MAGI2: variants seen among roughly 807,000 people sequenced by gnomAD.
MAGI2 encodes the protein membrane-associated guanylate kinase, WW and PDZ domain-containing protein 2.
Under a neutral mutation model 133.3 loss-of-function variants are expected in MAGI2, and 35 were observed. That is an observed-to-expected ratio of 0.26 (90% CI 0.20 to 0.35). The LOEUF is 0.35. Ranked by LOEUF, MAGI2 falls within the 10% of genes least tolerant of loss-of-function variation. The pLI is 1.00. For missense variants in MAGI2, 1,636 were observed against 1,863.4 expected, an observed-to-expected ratio of 0.88 and a Z score of 2.25; for synonymous variants, 729 against 710.6, an observed-to-expected ratio of 1.03 and a Z score of -0.41.
At chr7:78,395,810 T>C (rs1796298639) in intron 6 of MAGI2, among the ~76,000 whole-genome samples, 2 of 152,296 alleles carry the variant, frequency 1.3e-5, no homozygotes, top group South Asian at 2.1e-4. Context: ...AACATGTAGA[T>C]AGATACATCT....
chr7:79,274,428 A>G (rs536399053), intron 1 of MAGI2, among the ~76,000 whole-genome samples: 62 of 152,092 alleles, frequency 4.1e-4, no homozygotes, highest in Non-Finnish European at 7.2e-4. Context: ...TATTTATTAG[A>G]TCATGGAACA....
chr7:78,895,298 T>C (rs1799017), intron 2 of MAGI2, among the ~76,000 whole-genome samples: 78,831 of 151,974 alleles, frequency 0.52, 22,070 homozygotes, highest in South Asian at 0.69. Context: ...ATATCTTGTC[T>C]TGAGATTCCC....
chr7:79,109,787 G>A (rs1002846285), intron 1 of MAGI2, among the ~76,000 whole-genome samples: 9 of 152,088 alleles, frequency 5.9e-5, no homozygotes, highest in Non-Finnish European at 1.5e-5. Flanking sequence ...GATCTTCTAG[G>A]CAGGCTTCTG....
intron 1 of MAGI2, among the ~76,000 whole-genome samples, chr7:79,245,330 G>T (rs1369084064): frequency 6.6e-6 from 1 of 152,162 alleles, no homozygotes; most frequent in African/African-American, 2.4e-5. Flanking sequence ...GGACTCATAG[G>T]GTCTCCAATT....
In MAGI2 at chr7:78,132,287, A is replaced by G. The variant is rs147472269; in HGVS notation, c.3203+602T>C. 6.6e-5 allele frequency among the ~76,000 whole-genome samples: 10 copies of G among 152,074 alleles called. No individual in the cohort carries two copies. The East Asian group carries it at 1.9e-3, about 29-fold the overall frequency. ...AATGGACGTCTGCAGCCACCTCCTA[A>G]CTGCTTAACCTGCATTCACCCTGCC... On this transcript the variant is annotated intron_variant, in intron 18 of 21. Coordinates refer to ENST00000354212, the MANE Select transcript of MAGI2 (RefSeq NM_012301.4).
chr7:78,563,228 T>C (rs1412032539), intron 3 of MAGI2, among the ~76,000 whole-genome samples: 1 of 152,172 alleles, frequency 6.6e-6, no homozygotes, highest in African/African-American at 2.4e-5. Context: ...GGTTTTATAA[T>C]TTGAAAGAGG....
chr7:79,138,040 G>A (rs1821755070), intron 1 of MAGI2, among the ~76,000 whole-genome samples: 1 of 152,138 alleles, frequency 6.6e-6, no homozygotes, highest in Non-Finnish European at 1.5e-5. Context: ...AAGTAATGTA[G>A]GTGGCCTCTG....
intron 2 of MAGI2, among the ~76,000 whole-genome samples, chr7:78,894,292 C>T (rs1165072351): frequency 6.6e-6 from 1 of 152,194 alleles, no homozygotes; most frequent in Non-Finnish European, 1.5e-5. Flanking sequence ...GTCCCAGCTA[C>T]TCCGGAGGCT....
At chr7:78,067,186 A>G (rs1229703156) in intron 21 of MAGI2, among the ~76,000 whole-genome samples, 1 of 152,202 alleles carries the variant, frequency 6.6e-6, no homozygotes, top group African/African-American at 2.4e-5. Context: ...CCCTGCCAAG[A>G]TGCAAGTAAT....
intron 6 of MAGI2, among the ~76,000 whole-genome samples, chr7:78,462,771 A>G (rs1346751180): frequency 2.6e-5 from 4 of 152,196 alleles, no homozygotes; most frequent in African/African-American, 9.6e-5. Context: ...CTGCTGTGTG[A>G]AGGTATATTC....
At chr7:78,212,295 TG>T (rs1160172647) in intron 10 of MAGI2, among the ~76,000 whole-genome samples, 2 of 152,100 alleles carry the variant, frequency 1.3e-5, no homozygotes, top group African/African-American at 4.8e-5. Context: ...AAAGATAATT[TG>T]CAGATGTGAT....
chr7:78,614,177 T>C (rs1280381933), intron 3 of MAGI2, among the ~76,000 whole-genome samples: 2 of 151,024 alleles, frequency 1.3e-5, no homozygotes, highest in African/African-American at 4.9e-5. Flanking sequence ...TCAACCAAGA[T>C]AGCGATGTAT....
chr7:79,267,728 T>C (rs1326470047), intron 1 of MAGI2, among the ~76,000 whole-genome samples: 2 of 151,988 alleles, frequency 1.3e-5, no homozygotes, highest in African/African-American at 2.4e-5. Flanking sequence ...AGAAAAGACA[T>C]AGAAAGTTAT....
At chr7:78,943,438 G>C (rs928230595) in intron 2 of MAGI2, among the ~76,000 whole-genome samples, 4 of 152,040 alleles carry the variant, frequency 2.6e-5, no homozygotes, top group Admixed American at 6.6e-5. Flanking sequence ...CTAAGGATGC[G>C]GTACTAATTT....
chr7:78,076,852 C>CAAAAAAAA (rs1242148618), intron 21 of MAGI2, among the ~76,000 whole-genome samples: 1 of 42,546 alleles, frequency 2.4e-5, no homozygotes. Context: ...GACTCCGTCT[C>CAAAAAAAA]AAAAAAAAAA....
At chr7:78,564,073 G>C (rs530483416) in intron 3 of MAGI2, among the ~76,000 whole-genome samples, 2 of 152,074 alleles carry the variant, frequency 1.3e-5, no homozygotes, top group Non-Finnish European at 2.9e-5. Context: ...AATTTTGTAG[G>C]TATGGGAGAC....
intron 1 of MAGI2, among the ~76,000 whole-genome samples, chr7:79,068,331 G>T (rs1447120827): frequency 6.6e-6 from 1 of 152,110 alleles, no homozygotes; most frequent in Admixed American, 6.5e-5. Context: ...GTTTAGACTT[G>T]GGAGGCTGTA....
At chr7:79,000,140 C>T (rs1318004626) in intron 2 of MAGI2, 1 of 152,116 alleles carries the variant, frequency 6.6e-6, no homozygotes, top group Non-Finnish European at 1.5e-5. Context: ...AAACGTGGAG[C>T]TACAGTTCAA....
intron 2 of MAGI2, among the ~76,000 whole-genome samples, chr7:78,914,791 A>T (rs1263374943): frequency 6.6e-6 from 1 of 152,044 alleles, no homozygotes; most frequent in Non-Finnish European, 1.5e-5. Flanking sequence ...GGCAAAAAAT[A>T]TTTTTTTAAC....
Sources: allele counts gnomAD v4.1 joint callset (sites outside exome capture counted in the v4.1 genomes callset), GRCh38; gene constraint gnomAD v4.1.1; transcripts MANE v1.5; gene names NCBI Gene and HGNC (gene_info 2026-07-23, HGNC 2026-07-21).